Variants in KLF15 observed in about 807,000 individuals in gnomAD.
The protein encoded by KLF15 is KLF transcription factor 15.
KLF15 carries 4 observed loss-of-function variants against 24.6 expected under a neutral mutation model. The observed-to-expected ratio is 0.16, with a 90% CI of 0.08 to 0.37. The LOEUF is 0.37. Among genes scored for constraint, KLF15 ranks in the 10% least tolerant of loss-of-function variants. The probability of loss-of-function intolerance (pLI) is 1.00; values close to 1 mark genes in which losing one functional copy is unlikely to be tolerated. For synonymous variants in KLF15, 246 were observed against 236.3 expected, an observed-to-expected ratio of 1.04 and a Z score of -0.37; for missense variants, 496 against 560.6, an observed-to-expected ratio of 0.88 and a Z score of 1.16.
chr3:126,328,576 C>T, the KLF15 span, among the ~76,000 whole-genome samples: 1 of 152,182 alleles, frequency 6.6e-6, no homozygotes, highest in Non-Finnish European at 1.5e-5. Flanking sequence ...CTGTTCACCA[C>T]ATCCAAGCCA....
At chr3:126,288,631 T>A in the KLF15 span, among the ~76,000 whole-genome samples, 3 of 152,216 alleles carry the variant, frequency 2.0e-5, no homozygotes, top group South Asian at 6.2e-4. Context: ...TAGTCCTCCC[T>A]GGACAGAGGG....
the KLF15 span, among the ~76,000 whole-genome samples, chr3:126,332,056 G>C: frequency 7.2e-5 from 11 of 152,216 alleles, no homozygotes; most frequent in Non-Finnish European, 2.9e-5. Context: ...GCTCGAACTG[G>C]GTGGAGCCCA....
At chr3:126,344,468 G>A (rs2082515273) in intron 2 of KLF15, among the ~76,000 whole-genome samples, 1 of 152,226 alleles carries the variant, frequency 6.6e-6, no homozygotes, top group Non-Finnish European at 1.5e-5. Flanking sequence ...GCTCCCAACA[G>A]GAAAGGACCC....
the KLF15 span, among the ~76,000 whole-genome samples, chr3:126,314,446 T>A: frequency 6.6e-6 from 1 of 152,164 alleles, no homozygotes; most frequent in Non-Finnish European, 1.5e-5. Flanking sequence ...AAGCAGAGAA[T>A]CAGAACACAG....
At chr3:126,307,534 A>C in the KLF15 span, among the ~76,000 whole-genome samples, 2 of 152,128 alleles carry the variant, frequency 1.3e-5, no homozygotes, top group Non-Finnish European at 1.5e-5. Flanking sequence ...GAGGGTGCTA[A>C]TGACCCCCGA....
At chr3:126,297,202 T>G in the KLF15 span, among the ~76,000 whole-genome samples, 16 of 151,742 alleles carry the variant, frequency 1.1e-4, no homozygotes, top group Non-Finnish European at 1.5e-5. Context: ...GCTTAAAGAG[T>G]CACCTGTTTT....
chr3:126,308,959 G>A, the KLF15 span, among the ~76,000 whole-genome samples: 1 of 152,206 alleles, frequency 6.6e-6, no homozygotes, highest in African/African-American at 2.4e-5. Flanking sequence ...CCCAGGGTGA[G>A]GGCGGTGGCA....
At chr3:126,346,180 A>T (rs2082534449) in intron 2 of KLF15, among the ~76,000 whole-genome samples, 1 of 152,196 alleles carries the variant, frequency 6.6e-6, no homozygotes, top group African/African-American at 2.4e-5. Context: ...CCTGGGCAGG[A>T]CACCTGCCCC....
chr3:126,353,052 G>A (rs2082600226), intron 1 of KLF15, 105 bp from the exon 2 acceptor site: 1 of 1,297,842 alleles, frequency 7.7e-7, no homozygotes, highest in Admixed American at 2.9e-5. Flanking sequence ...GCCTCCTATT[G>A]CCAAACGCCT....
chr3:126,351,177 G>C (rs1288387662), intron 2 of KLF15, among the ~76,000 whole-genome samples: 1 of 152,186 alleles, frequency 6.6e-6, no homozygotes, highest in Non-Finnish European at 1.5e-5. Flanking sequence ...TCTGCCACCT[G>C]TGACAGCACC....
the KLF15 span, chr3:126,290,805 T>G: frequency 6.6e-6 from 1 of 152,260 alleles, no homozygotes. Flanking sequence ...TTGGCCATTT[T>G]AAATTATATA....
At chr3:126,326,886 T>C in the KLF15 span, among the ~76,000 whole-genome samples, 1 of 152,246 alleles carries the variant, frequency 6.6e-6, no homozygotes, top group Non-Finnish European at 1.5e-5. Flanking sequence ...TTAACTATAA[T>C]TAATAAATAA....
the KLF15 span, among the ~76,000 whole-genome samples, chr3:126,300,861 C>A: frequency 6.6e-6 from 1 of 152,216 alleles, no homozygotes; most frequent in East Asian, 1.9e-4. Context: ...AGGAACCATC[C>A]TCCATCCTTA....
chr3:126,292,022 G>C, the KLF15 span, among the ~76,000 whole-genome samples: 66 of 152,252 alleles, frequency 4.3e-4, 1 homozygote, highest in East Asian at 0.013. Context: ...AAGTGTCCAC[G>C]GAAGTGGCTG....
At chr3:126,341,334 T>A (rs1345323851), downstream of KLF15, among the ~76,000 whole-genome samples, 1 of 152,304 alleles carries the variant, frequency 6.6e-6, no homozygotes, top group Admixed American at 6.5e-5. Context: ...GGCCGGTCCT[T>A]GGCACAGAAG....
chr3:126,338,118 T>A (rs1265491269), downstream of KLF15, among the ~76,000 whole-genome samples: 8 of 152,192 alleles, frequency 5.3e-5, no homozygotes. Context: ...GTGCAGGGCA[T>A]CCTCTGCCAG....
At chr3:126,323,702 G>T in the KLF15 span, among the ~76,000 whole-genome samples, 1 of 90,880 alleles carries the variant, frequency 1.1e-5, no homozygotes, top group Admixed American at 1.4e-4. Context: ...CCCTCCCTGT[G>T]TCCATGTGTT....
At chr3:126,339,943 C>G (rs1576579314), downstream of KLF15, among the ~76,000 whole-genome samples, 1 of 152,180 alleles carries the variant, frequency 6.6e-6, no homozygotes, top group African/African-American at 2.4e-5. Context: ...CTCCTCTGTT[C>G]CCACAGAGTT....
rs1394714475 is a variant in KLF15, at chr3:126,343,191, C to T, written c.*536G>A. Reference sequence around the variant, plus strand: ...CCCCCCCCCCCCCCGGCTCCAGGGACCTGCCCACACCCTCTGGTGATCATG... The same window carrying T: ...CCCCCCCCCCCCCCGGCTCCAGGGATCTGCCCACACCCTCTGGTGATCATG... On this transcript the variant is annotated 3_prime_UTR_variant, in exon 3 of 3. Transcript: ENST00000296233. 3.1e-5 allele frequency: 4 copies of T among 127,278 alleles called. No individual in the cohort carries two copies. The highest frequency in any genetic ancestry group is 3.9e-3 in the Middle Eastern group (1 of 256). The allele number at this position is 127,278 out of a possible 1,614,324, so 7.9% of individuals were successfully genotyped here.
Sources: gnomAD v4.1 joint callset for allele counts (sites outside exome capture counted in the v4.1 genomes callset) on GRCh38, gnomAD v4.1.1 for gene constraint, MANE v1.5 for transcripts, NCBI Gene and HGNC (gene_info 2026-07-23, HGNC 2026-07-21) for gene names.